The following TBXAS1 variants were observed in gnomAD, a reference collection of about 807,000 sequenced individuals.
TBXAS1 encodes the protein thromboxane-A synthase.
TBXAS1 carries 48 observed loss-of-function variants against 60.7 expected under a neutral mutation model. The ratio of observed to expected loss-of-function variants is 0.79; its 90% CI spans 0.63 to 1.01. The LOEUF is 1.01. Ranked by LOEUF, TBXAS1 falls within the 50% of genes least tolerant of loss-of-function variation. The probability of loss-of-function intolerance (pLI) is 0.00; values close to 1 mark genes in which losing one functional copy is unlikely to be tolerated. For missense variants in TBXAS1, 685 were observed against 686.3 expected, an observed-to-expected ratio of 1.00 and a Z score of 0.02; for synonymous variants, 287 against 269.7, an observed-to-expected ratio of 1.06 and a Z score of -0.63.
intron 3 of TBXAS1, among the ~76,000 whole-genome samples, chr7:139,897,027 C>T (rs1804155108): frequency 6.6e-6 from 1 of 152,146 alleles, no homozygotes; most frequent in Non-Finnish European, 1.5e-5. Context: ...AGCCAGTTGG[C>T]ATTAGACGTT....
At chr7:139,990,662 T>A (rs1416904808) in intron 9 of TBXAS1, among the ~76,000 whole-genome samples, 1 of 151,954 alleles carries the variant, frequency 6.6e-6, no homozygotes, top group Non-Finnish European at 1.5e-5. Context: ...CTCTGGTGGC[T>A]TCTTTGCTGC....
intron 9 of TBXAS1, among the ~76,000 whole-genome samples, chr7:139,965,487 T>C (rs1569520519): frequency 6.6e-6 from 1 of 152,064 alleles, no homozygotes; most frequent in Non-Finnish European, 1.5e-5. Context: ...CAGGCTGGAG[T>C]GCAGTGGCAC....
chr7:139,782,485 T>C (rs930162390), intron 2 of TBXAS1: 4 of 152,162 alleles, frequency 2.6e-5, no homozygotes, highest in Middle Eastern at 3.4e-3. Context: ...TGTATGCCTA[T>C]AGTTGTGAAA....
At chr7:140,008,073 C>A (rs1178334551) in intron 10 of TBXAS1, among the ~76,000 whole-genome samples, 1 of 152,196 alleles carries the variant, frequency 6.6e-6, no homozygotes, top group African/African-American at 2.4e-5. Context: ...TGATAAATTC[C>A]ACTCAACACT....
intron 9 of TBXAS1, among the ~76,000 whole-genome samples, chr7:140,005,623 C>T (rs181006282): frequency 7.5e-4 from 114 of 152,168 alleles, no homozygotes; most frequent in Middle Eastern, 3.4e-3. Flanking sequence ...GAAATGCAGA[C>T]GGGAGAGCTT....
chr7:139,849,282 G>A (rs1800035998), intron 1 of TBXAS1, among the ~76,000 whole-genome samples: 1 of 152,052 alleles, frequency 6.6e-6, no homozygotes, highest in Non-Finnish European at 1.5e-5. Flanking sequence ...AAGAGGCTGG[G>A]GTGAGAGGAT....
At position 140,007,183 on chromosome 7, in the gene TBXAS1, G is replaced by C; in HGVS notation, c.1226+1G>C. 6.2e-7 allele frequency: 1 copy of C among 1,614,032 alleles called. No homozygotes were observed. Among genetic ancestry groups the C allele is most frequent in the Non-Finnish European group, 8.5e-7 (1 of 1,179,986 alleles). On this transcript the variant is annotated splice_donor_variant, in intron 10 of 12. Coordinates refer to ENST00000448866, the MANE Select transcript of TBXAS1 (RefSeq NM_001061.7). LOFTEE classifies it high-confidence loss of function. ...TGAGGATGTACCCGCCAGCTTTCAG[G>C]TGTGTGGTAGCCCCCTCCCCTGCCC...
intron 4 of TBXAS1, among the ~76,000 whole-genome samples, chr7:139,822,179 T>A (rs1463125974): frequency 4.5e-4 from 69 of 152,242 alleles, no homozygotes; most frequent in Admixed American, 4.4e-3. Flanking sequence ...ACAGGTCATT[T>A]GAAAACAAAA....
chr7:139,921,173 C>T (rs957350205), intron 4 of TBXAS1, among the ~76,000 whole-genome samples: 2 of 151,998 alleles, frequency 1.3e-5, no homozygotes, highest in African/African-American at 4.8e-5. Flanking sequence ...CTATGTGACA[C>T]CACCCAGATC....
At chr7:139,909,159 T>G (rs992134370) in intron 3 of TBXAS1, among the ~76,000 whole-genome samples, 25 of 152,218 alleles carry the variant, frequency 1.6e-4, no homozygotes, top group Non-Finnish European at 1.5e-5. Flanking sequence ...TGGATTTCCT[T>G]GGGTTCATCT....
Position 140,004,825 on chromosome 7 carries a change from G to A in TBXAS1, c.1135-2266G>A, listed in dbSNP as rs1813937772. Among the ~76,000 whole-genome samples, 1 of 152,234 alleles carries A rather than the reference G, an allele frequency of 6.6e-6. No homozygotes were observed. Among genetic ancestry groups the A allele is most frequent in the Non-Finnish European group, 1.5e-5 (1 of 68,042 alleles). On this transcript the variant is annotated intron_variant, in intron 9 of 12. Coordinates refer to ENST00000448866, the MANE Select transcript of TBXAS1 (RefSeq NM_001061.7). The surrounding 1 kb of genome is among the most constrained non-coding windows in gnomAD (Gnocchi z 5.1). ...GACACCCTCAGTACCTGGGCTAGGG[G>A]TGGGCAGAGGTTTGCCCCCATCGAG... is the stretch of plus-strand genomic sequence containing the variant.
At chr7:139,791,064 A>T (rs1797367193) in intron 4 of TBXAS1, among the ~76,000 whole-genome samples, 1 of 152,178 alleles carries the variant, frequency 6.6e-6, no homozygotes, top group African/African-American at 2.4e-5. Context: ...TTGGCCTCCC[A>T]AAGTGCTGGG....
At chr7:140,017,308 A>G (rs1815157713) in intron 11 of TBXAS1, among the ~76,000 whole-genome samples, 1 of 152,134 alleles carries the variant, frequency 6.6e-6, no homozygotes, top group African/African-American at 2.4e-5. Context: ...AGGTGGCGCC[A>G]TGGGCCCAGG....
At chr7:139,918,710 C>T (rs1474874328) in intron 4 of TBXAS1, among the ~76,000 whole-genome samples, 1 of 152,162 alleles carries the variant, frequency 6.6e-6, no homozygotes, top group East Asian at 1.9e-4. Flanking sequence ...AGAAGAGGCC[C>T]CTTTCCAGCA....
rs747246663 is a variant in TBXAS1, at chr7:140,020,117, T to TG, written c.*24dup. 5 of 1,493,208 alleles carry TG rather than the reference T, an allele frequency of 3.3e-6. No homozygotes were observed. In the African/African-American group the frequency reaches 5.8e-5, roughly 17 times the overall value. 92.5% of individuals were successfully genotyped at this position (1,493,208 alleles called of 1,614,324 possible). On this transcript the variant is annotated 3_prime_UTR_variant, in exon 13 of 13. Transcript: ENST00000448866. ...CCCGCTGACACAGAAGGCTGCCGGG[T>TG]GGGGGGAGGGCACCCCCAAATTCAA...
At chr7:139,862,048 G>C (rs1206591595) in intron 1 of TBXAS1, among the ~76,000 whole-genome samples, 1 of 152,232 alleles carries the variant, frequency 6.6e-6, no homozygotes, top group Non-Finnish European at 1.5e-5. Context: ...GATTGTGGTT[G>C]CAATGGTGAT....
intron 4 of TBXAS1, among the ~76,000 whole-genome samples, chr7:139,915,938 G>C (rs187113012): frequency 6.6e-6 from 1 of 152,230 alleles, no homozygotes; most frequent in Admixed American, 6.5e-5. Context: ...GGACCTTGTA[G>C]GTCTCTATCA....
intron 10 of TBXAS1, among the ~76,000 whole-genome samples, chr7:140,007,735 C>T (rs1185778927): frequency 2.6e-5 from 4 of 152,180 alleles, no homozygotes; most frequent in Admixed American, 1.3e-4. Context: ...CCCCTCAAGA[C>T]GTCTGTGTTG....
chr7:139,914,445 A>T (rs965765913), intron 4 of TBXAS1, among the ~76,000 whole-genome samples: 1 of 152,130 alleles, frequency 6.6e-6, no homozygotes. Context: ...CAGTGGCAGA[A>T]CTTCTTATTC....
Sources: gnomAD v4.1 joint callset for allele counts (sites outside exome capture counted in the v4.1 genomes callset) on GRCh38, gnomAD v4.1.1 for gene constraint, Gnocchi (gnomAD v3.1) non-coding constraint, MANE v1.5 for transcripts, NCBI Gene and HGNC (gene_info 2026-07-23, HGNC 2026-07-21) for gene names.